The following ZNF438 variants were observed in gnomAD, a reference collection of about 807,000 sequenced individuals.
ZNF438 encodes zinc finger protein 438.
In ZNF438, 25 loss-of-function variants were observed where a neutral mutation model predicts 38.0. That is an observed-to-expected ratio of 0.66 (90% CI 0.48 to 0.92). The LOEUF is 0.92. Among genes scored for constraint, ZNF438 ranks in the 40% least tolerant of loss-of-function variants. The probability of loss-of-function intolerance (pLI) is 0.00; values close to 1 mark genes in which losing one functional copy is unlikely to be tolerated. For synonymous variants in ZNF438, 372 were observed against 364.1 expected, an observed-to-expected ratio of 1.02 and a Z score of -0.25; for missense variants, 1,007 against 999.6, an observed-to-expected ratio of 1.01 and a Z score of -0.10.
intron 1 of ZNF438, among the ~76,000 whole-genome samples, chr10:30,953,733 T>G (rs2048529861): frequency 6.6e-6 from 1 of 151,702 alleles, no homozygotes; most frequent in South Asian, 2.1e-4. Context: ...TGGAAGTGAC[T>G]TAAGAAGACT....
At chr10:31,004,038 G>A (rs1044045051) in intron 1 of ZNF438, among the ~76,000 whole-genome samples, 1 of 152,166 alleles carries the variant, frequency 6.6e-6, no homozygotes, top group African/African-American at 2.4e-5. Flanking sequence ...GAGAACTTCA[G>A]GCTACATAAG....
exon 5 of ZNF438, chr10:30,849,474 C>A: frequency 6.2e-7 from 1 of 1,614,188 alleles, no homozygotes; most frequent in South Asian, 1.1e-5. Context: ...ATGTTAGCAT[C>A]TGATTTGATT....
intron 3 of ZNF438, among the ~76,000 whole-genome samples, chr10:30,893,196 G>C (rs565608524): frequency 1.3e-5 from 2 of 152,144 alleles, no homozygotes; most frequent in Non-Finnish European, 2.9e-5. Context: ...TACTCAAAAC[G>C]TTTAAGGATT....
At chr10:30,904,180 T>G (rs1389873262) in intron 3 of ZNF438, among the ~76,000 whole-genome samples, 1 of 152,220 alleles carries the variant, frequency 6.6e-6, no homozygotes, top group Non-Finnish European at 1.5e-5. Context: ...GTGACTGCCT[T>G]GGTAAGAAAG....
chr10:30,893,833 C>T (rs1183647282), intron 3 of ZNF438, among the ~76,000 whole-genome samples: 1 of 152,142 alleles, frequency 6.6e-6, no homozygotes, highest in Non-Finnish European at 1.5e-5. Context: ...ATTATCATAC[C>T]TTCAGAACGC....
intron 4 of ZNF438, among the ~76,000 whole-genome samples, chr10:30,867,405 G>T (rs530164794): frequency 6.6e-6 from 1 of 152,140 alleles, no homozygotes; most frequent in Non-Finnish European, 1.5e-5. Context: ...AGTCAATTTC[G>T]TTAAACTAGG....
chr10:30,991,477 A>C (rs2053492917), intron 1 of ZNF438, among the ~76,000 whole-genome samples: 1 of 152,200 alleles, frequency 6.6e-6, no homozygotes, highest in South Asian at 2.1e-4. Flanking sequence ...CAAGAAGACA[A>C]GTGGCTAATG....
intron 5 of ZNF438, among the ~76,000 whole-genome samples, chr10:30,846,215 C>T (rs189253846): frequency 2.2e-4 from 33 of 152,298 alleles, no homozygotes; most frequent in African/African-American, 7.0e-4. Flanking sequence ...TTGGCAAGAG[C>T]GTCTGTTTTC....
chr10:30,991,701 C>A (rs2053518355), intron 1 of ZNF438, among the ~76,000 whole-genome samples: 1 of 152,158 alleles, frequency 6.6e-6, no homozygotes, highest in Admixed American at 6.6e-5. Flanking sequence ...ATACAAGCAG[C>A]AACCAACAAA....
intron 1 of ZNF438, among the ~76,000 whole-genome samples, chr10:31,010,763 T>A (rs1388098190): frequency 6.6e-6 from 1 of 151,458 alleles, no homozygotes; most frequent in African/African-American, 2.4e-5. Flanking sequence ...GTAGCACACA[T>A]CTGTAGTTCT....
At position 30,872,306 on chromosome 10, in the gene ZNF438, G is replaced by T. The variant is rs550095983; in HGVS notation, c.37+4692C>A. 2.1e-3 allele frequency among the ~76,000 whole-genome samples: 314 copies of T among 151,710 alleles called. 2 individuals carry two copies. Among genetic ancestry groups the T allele is most frequent in the African/African-American group, 7.4e-3 (308 of 41,362 alleles). On this transcript the variant is annotated intron_variant, in intron 4 of 5. Coordinates refer to ENST00000413025, the Ensembl canonical transcript of ZNF438. ...CCACGTGTGGTGGTGCGCTCCTGTA[G>T]TCCCAGCTATTCGGGAGGCTGAGGC...
chr10:30,961,386 C>T (rs1235930882), intron 1 of ZNF438, among the ~76,000 whole-genome samples: 1 of 146,444 alleles, frequency 6.8e-6, no homozygotes, highest in Non-Finnish European at 1.5e-5. Flanking sequence ...GCCATGAACT[C>T]CTGGGCTCAG....
intron 1 of ZNF438, among the ~76,000 whole-genome samples, chr10:30,964,338 C>G (rs971961669): frequency 3.3e-5 from 5 of 152,148 alleles, no homozygotes; most frequent in African/African-American, 1.2e-4. Flanking sequence ...ATGATTTCTC[C>G]TTCCTCAAAG....
chr10:30,845,186 C>T, exon 6 of ZNF438: 1 of 1,614,166 alleles, frequency 6.2e-7, no homozygotes, highest in Non-Finnish European at 8.5e-7. Context: ...GGCAGGTTTC[C>T]CTTGGCTTGT....
At chr10:30,944,878 A>G (rs1366294737) in intron 1 of ZNF438, among the ~76,000 whole-genome samples, 1 of 152,148 alleles carries the variant, frequency 6.6e-6, no homozygotes, top group African/African-American at 2.4e-5. Flanking sequence ...TATCCCTTAT[A>G]TATTTCCTGG....
intron 1 of ZNF438, among the ~76,000 whole-genome samples, chr10:30,991,951 C>T (rs2053548641): frequency 6.6e-6 from 1 of 152,214 alleles, no homozygotes; most frequent in African/African-American, 2.4e-5. Context: ...CCAAGATCAA[C>T]TCCTAGGAAG....
At chr10:30,930,095 G>T (rs368846771) in intron 2 of ZNF438, among the ~76,000 whole-genome samples, 7 of 150,658 alleles carry the variant, frequency 4.6e-5, no homozygotes, top group Admixed American at 4.0e-4. Flanking sequence ...AGCAGGTGCC[G>T]CAGAGCAGGG....
At chr10:30,888,344 A>AACACACACACACACACATACAC (rs140506626) in intron 3 of ZNF438, among the ~76,000 whole-genome samples, 2 of 147,296 alleles carry the variant, frequency 1.4e-5, no homozygotes, top group Non-Finnish European at 3.0e-5. Context: ...TAATATTATA[A>AACACACACACACACACATACAC]ACACACACAC....
Position 30,849,281 on chromosome 10 carries a change from A to G in ZNF438, c.1124T>C (p.Leu375Pro). The stretch of plus-strand genomic sequence containing the variant: ...TTTTCTCTTTGCTGCTCCACTGTTC[A>G]GTTTTGTTTTGTGGTTAAGATCAAG... The change falls in exon 5 of 6, where the codon CTG (leucine) becomes CCG (proline). Residue 375 changes from leucine to proline, a missense_variant. Leu to Pro is a moderately conservative substitution (Grantham distance 98, BLOSUM62 -3). Coordinates refer to ENST00000413025, the Ensembl canonical transcript of ZNF438. The G allele has an allele frequency of 1.2e-6, 2 of 1,613,840 alleles. No individual in the cohort carries two copies. Among genetic ancestry groups the G allele is most frequent in the African/African-American group, 1.3e-5 (1 of 74,906 alleles).
Sources: allele counts gnomAD v4.1 joint callset (sites outside exome capture counted in the v4.1 genomes callset), GRCh38; gene constraint gnomAD v4.1.1; transcripts MANE v1.5; gene names NCBI Gene and HGNC (gene_info 2026-07-23, HGNC 2026-07-21).